Variants in MAGI3 observed in about 807,000 individuals in gnomAD.
MAGI3 encodes the protein membrane-associated guanylate kinase, WW and PDZ domain-containing protein 3.
MAGI3 carries 43 observed loss-of-function variants against 121.8 expected under a neutral mutation model. That is an observed-to-expected ratio of 0.35 (90% CI 0.28 to 0.46). The LOEUF is 0.46. MAGI3 is among the 20% of genes least tolerant of loss of function. The pLI is 1.00. For missense variants in MAGI3, 1,547 were observed against 1,797.3 expected, an observed-to-expected ratio of 0.86 and a Z score of 2.52; for synonymous variants, 553 against 639.3, an observed-to-expected ratio of 0.86 and a Z score of 2.04.
At chr1:113,602,102 TAGG>T (rs71090710) in intron 6 of MAGI3, among the ~76,000 whole-genome samples, 110,859 of 150,858 alleles carry the variant, frequency 0.73, 41,226 homozygotes, top group African/African-American at 0.78. Context: ...GGGATAGCAT[TAGG>T]AGATATACCT....
intron 9 of MAGI3, among the ~76,000 whole-genome samples, chr1:113,640,907 A>T (rs1349851600): frequency 3.9e-5 from 4 of 102,134 alleles, no homozygotes; most frequent in African/African-American, 1.5e-4. Context: ...ATATATATAT[A>T]TTTATATATG....
At position 113,671,853 on chromosome 1, in the gene MAGI3, G is replaced by A. The variant is rs936281158; in HGVS notation, c.2918+17G>A. 3.7e-6 allele frequency: 6 copies of A among 1,606,652 alleles called. No individual in the cohort carries two copies. Among genetic ancestry groups the A allele is most frequent in the Non-Finnish European group, 5.1e-6 (6 of 1,173,644 alleles). On this transcript the variant is annotated intron_variant, in intron 17 of 20. Coordinates refer to ENST00000307546, the MANE Select transcript of MAGI3 (RefSeq NM_001142782.2). ...TGGGGACAGGTGGGGCTATTTTCAG[G>A]TTTTTGTTTTTGTTTTTTTCTTATT... is the stretch of plus-strand genomic sequence containing the variant.
intron 2 of MAGI3, among the ~76,000 whole-genome samples, chr1:113,576,040 C>T (rs1167031085): frequency 6.6e-6 from 1 of 152,190 alleles, no homozygotes; most frequent in Non-Finnish European, 1.5e-5. Context: ...TGCCCCTCCC[C>T]CCACCAAGCT....
chr1:113,651,861 T>C (rs1653189023), intron 14 of MAGI3, among the ~76,000 whole-genome samples: 3 of 152,208 alleles, frequency 2.0e-5, no homozygotes, highest in Admixed American at 2.0e-4. Context: ...TCCCACTAGC[T>C]GAATATACAA....
In MAGI3 at chr1:113,672,685, C is replaced by T; in HGVS notation, c.2989C>T (p.His997Tyr). ...CAGACATTCTTGGTCAGACCACAAGCACCTTGCACAGCCTGACACCGCAGT... is the reference window on the plus strand; with the variant it reads ...CAGACATTCTTGGTCAGACCACAAGTACCTTGCACAGCCTGACACCGCAGT... Reference protein sequence around the residue: ...SYRHSWSDHKHLAQPDTAVIS... With the variant: ...SYRHSWSDHKYLAQPDTAVIS... Residue 997 changes from histidine to tyrosine, a missense_variant, in exon 18 of 21, where the codon CAC (histidine) becomes TAC (tyrosine). By Grantham distance (83) the His-to-Tyr change is moderately conservative. Coordinates refer to ENST00000307546, the MANE Select transcript of MAGI3 (RefSeq NM_001142782.2). The T allele has an allele frequency of 5.6e-6, 9 of 1,614,064 alleles. No individual in the cohort carries two copies. Among genetic ancestry groups the T allele is most frequent in the Non-Finnish European group, 7.6e-6 (9 of 1,179,948 alleles).
intron 20 of MAGI3, 124 bp downstream of exon 20, chr1:113,681,460 C>A: frequency 9.6e-7 from 1 of 1,036,330 alleles, no homozygotes; most frequent in Non-Finnish European, 1.3e-6. Flanking sequence ...ATGCTAGAAC[C>A]ATGAAAAGCT....
chr1:113,444,775 C>T (rs1035283379), intron 1 of MAGI3, among the ~76,000 whole-genome samples: 33 of 152,150 alleles, frequency 2.2e-4, no homozygotes, highest in African/African-American at 7.2e-4. Context: ...CTGAAAAAGA[C>T]CTCATGTCAA....
At chr1:113,545,327 A>ATT (rs137969782) in intron 1 of MAGI3, among the ~76,000 whole-genome samples, 17,656 of 149,500 alleles carry the variant, frequency 0.12, 1,046 homozygotes, top group East Asian at 0.18. Flanking sequence ...AAATGACCTC[A>ATT]TTTTTTTTTT....
At chr1:113,597,065 C>T (rs747715383) in intron 6 of MAGI3, among the ~76,000 whole-genome samples, 4 of 152,142 alleles carry the variant, frequency 2.6e-5, no homozygotes, top group Middle Eastern at 3.2e-3. Context: ...AAAGTGGAAA[C>T]CACCCAACTG....
intron 6 of MAGI3, among the ~76,000 whole-genome samples, chr1:113,602,547 C>G (rs551272297): frequency 6.6e-6 from 1 of 152,238 alleles, no homozygotes; most frequent in East Asian, 1.9e-4. Flanking sequence ...TGTCACACCT[C>G]AAGGAACTAG....
chr1:113,579,903 A>G (rs976860159), intron 2 of MAGI3, among the ~76,000 whole-genome samples: 1 of 151,912 alleles, frequency 6.6e-6, no homozygotes, highest in Non-Finnish European at 1.5e-5. Flanking sequence ...AAAATCCTGT[A>G]TCTCTTTGTA....
At chr1:113,636,799 C>T (rs1345817705) in intron 9 of MAGI3, among the ~76,000 whole-genome samples, 4 of 151,758 alleles carry the variant, frequency 2.6e-5, no homozygotes, top group Non-Finnish European at 4.4e-5. Flanking sequence ...CTTTCTGTCT[C>T]GTTGATCTGT....
chr1:113,507,984 A>T (rs1260222237), intron 1 of MAGI3, among the ~76,000 whole-genome samples: 1 of 152,174 alleles, frequency 6.6e-6, no homozygotes, highest in Non-Finnish European at 1.5e-5. Flanking sequence ...TGCCAAAAAA[A>T]ATGAGCTATT....
intron 1 of MAGI3, among the ~76,000 whole-genome samples, chr1:113,466,165 G>C (rs1033412799): frequency 6.6e-6 from 1 of 151,994 alleles, no homozygotes; most frequent in African/African-American, 2.4e-5. Context: ...TTTGAGATAT[G>C]TTCCTTTTAT....
chr1:113,588,746 C>A (rs1242507504), intron 4 of MAGI3, among the ~76,000 whole-genome samples: 1 of 151,986 alleles, frequency 6.6e-6, no homozygotes, highest in Non-Finnish European at 1.5e-5. Context: ...TTATTGATGA[C>A]CTTGATAAGA....
At chr1:113,624,833 T>G (rs1651119028) in intron 9 of MAGI3, among the ~76,000 whole-genome samples, 2 of 152,224 alleles carry the variant, frequency 1.3e-5, no homozygotes, top group African/African-American at 4.8e-5. Context: ...TTTTTAGTTT[T>G]ACAGTTTGAA....
chr1:113,476,153 G>A (rs1181199954), intron 1 of MAGI3, among the ~76,000 whole-genome samples: 3 of 151,804 alleles, frequency 2.0e-5, no homozygotes, highest in Middle Eastern at 3.4e-3. Flanking sequence ...CAGTTTTGTT[G>A]ATCTTTTCAA....
chr1:113,550,343 GA>G (rs1330070243), intron 2 of MAGI3, among the ~76,000 whole-genome samples: 2 of 151,960 alleles, frequency 1.3e-5, no homozygotes, highest in Non-Finnish European at 2.9e-5. Context: ...GTGAACCCGG[GA>G]GGCGGAGCTT....
chr1:113,483,758 C>T (rs985877182), intron 1 of MAGI3, among the ~76,000 whole-genome samples: 1 of 152,116 alleles, frequency 6.6e-6, no homozygotes, highest in African/African-American at 2.4e-5. Flanking sequence ...GTTTATTTTT[C>T]TCCAACTTTT....
Sources: allele counts gnomAD v4.1 joint callset (sites outside exome capture counted in the v4.1 genomes callset), GRCh38; gene constraint gnomAD v4.1.1; transcripts MANE v1.5; gene names NCBI Gene and HGNC (gene_info 2026-07-23, HGNC 2026-07-21).